Variants in CMTM4 observed in about 807,000 individuals in gnomAD.
CMTM4 encodes the protein CKLF-like MARVEL transmembrane domain-containing protein 4.
Under a neutral mutation model 19.0 loss-of-function variants are expected in CMTM4, and 8 were observed. That is an observed-to-expected ratio of 0.42 (90% CI 0.25 to 0.76). The LOEUF is 0.76. Ranked by LOEUF, CMTM4 falls within the 30% of genes least tolerant of loss-of-function variation. The pLI is 0.27. For missense variants in CMTM4, 228 were observed against 290.2 expected (o/e 0.79, Z 1.56); for synonymous variants, 106 against 121.1 (o/e 0.88, Z 0.82).
chr16:66,654,140 A>G (rs1175231654), intron 1 of CMTM4, among the ~76,000 whole-genome samples: 2 of 152,212 alleles, frequency 1.3e-5, no homozygotes, highest in African/African-American at 4.8e-5. Context: ...AACCATCACT[A>G]TTACACAATT....
chr16:66,640,304 C>CA (rs901923917), intron 1 of CMTM4, among the ~76,000 whole-genome samples: 13 of 151,648 alleles, frequency 8.6e-5, no homozygotes, highest in African/African-American at 2.9e-4. Context: ...GACTCTGTCT[C>CA]AAAAAAAATA....
At chr16:66,636,125 C>T (rs773693305) in intron 2 of CMTM4, among the ~76,000 whole-genome samples, 6 of 152,206 alleles carry the variant, frequency 3.9e-5, no homozygotes, top group Non-Finnish European at 8.8e-5. Context: ...CTCCAAATAT[C>T]AACATGACCA....
At chr16:66,649,559 G>C (rs2016273155) in intron 1 of CMTM4, among the ~76,000 whole-genome samples, 1 of 151,516 alleles carries the variant, frequency 6.6e-6, no homozygotes, top group Admixed American at 6.6e-5. Context: ...ATCTATTGAA[G>C]AGTATATCCC....
chr16:66,637,414 C>A (rs988036280), intron 1 of CMTM4, among the ~76,000 whole-genome samples: 1 of 152,014 alleles, frequency 6.6e-6, no homozygotes, highest in Admixed American at 6.6e-5. Flanking sequence ...TGTGGTGGCG[C>A]ATGCTTGTAA....
chr16:66,612,755 C>G, downstream of CMTM4: 3 of 963,678 alleles, frequency 3.1e-6, no homozygotes, highest in Non-Finnish European at 4.8e-6. The surrounding 1 kb of genome is among the most constrained non-coding windows in gnomAD (Gnocchi z 6.0). Context: ...GGGCTGCGGA[C>G]ACAGCAGGCC....
chr16:66,608,843 C>T, the CMTM4 span, among the ~76,000 whole-genome samples: 1 of 152,230 alleles, frequency 6.6e-6, no homozygotes, highest in Non-Finnish European at 1.5e-5. The surrounding 1 kb of genome is among the most constrained non-coding windows in gnomAD (Gnocchi z 5.1). Flanking sequence ...CTTCAGCCAT[C>T]GGCAACCCTG....
At position 66,618,923 on chromosome 16, in the gene CMTM4, G is replaced by A. The variant is rs780178217; in HGVS notation, c.*3135C>T. The A allele has an allele frequency of 3.8e-5, 37 of 985,394 alleles. No homozygotes were observed. The highest frequency in any genetic ancestry group is 2.8e-4 in the South Asian group (6 of 21,294). 61.0% of individuals were successfully genotyped at this position (985,394 alleles called of 1,614,324 possible). On this transcript the variant is annotated 3_prime_UTR_variant, in exon 4 of 4. Transcript: ENST00000394106. ...AGGGCCAAGCGCTCAGAGCTGGGCC[G>A]GACTTGCCCATGCTGGCTTCAGCTC...
chr16:66,624,274 T>C (rs2015693310), intron 2 of CMTM4, among the ~76,000 whole-genome samples: 1 of 152,202 alleles, frequency 6.6e-6, no homozygotes, highest in Admixed American at 6.5e-5. Context: ...GTGGCCTACA[T>C]ATTTACTGTC....
intron 1 of CMTM4, among the ~76,000 whole-genome samples, chr16:66,683,199 A>ATATATGTATATATATATATACG (rs1261399043): frequency 7.9e-6 from 1 of 126,290 alleles, no homozygotes; most frequent in Non-Finnish European, 1.6e-5. Flanking sequence ...ATATACATAT[A>ATATATGTATATATATATATACG]TATATATATA....
At chr16:66,608,178 CT>C in the CMTM4 span, 1 of 941,770 alleles carries the variant, frequency 1.1e-6, no homozygotes, top group East Asian at 2.4e-5. The surrounding 1 kb of genome is among the most constrained non-coding windows in gnomAD (Gnocchi z 5.1). Context: ...CACTTCCCAG[CT>C]GCGGGACTGT....
At chr16:66,623,939 A>G (rs2015687683) in intron 2 of CMTM4, among the ~76,000 whole-genome samples, 1 of 152,206 alleles carries the variant, frequency 6.6e-6, no homozygotes, top group Admixed American at 6.5e-5. Flanking sequence ...CAGAGAGCAC[A>G]CTTAGCCAGA....
At chr16:66,627,069 C>T (rs2015755689) in intron 2 of CMTM4, among the ~76,000 whole-genome samples, 1 of 152,160 alleles carries the variant, frequency 6.6e-6, no homozygotes, top group African/African-American at 2.4e-5. Flanking sequence ...CGCCTCTGCA[C>T]TGCAGCCTGG....
chr16:66,610,181 C>T (rs1369247813), downstream of CMTM4: 11 of 752,672 alleles, frequency 1.5e-5, no homozygotes, highest in East Asian at 1.1e-4. The surrounding 1 kb of genome is among the most constrained non-coding windows in gnomAD (Gnocchi z 4.6). Flanking sequence ...CAGTCCCATT[C>T]GCCTCGTGCA....
intron 1 of CMTM4, among the ~76,000 whole-genome samples, chr16:66,663,121 T>G (rs146351038): frequency 1.1e-4 from 16 of 152,328 alleles, no homozygotes; most frequent in Admixed American, 1.0e-3. Context: ...CCAGCCAGGT[T>G]GATTGCTTTC....
In CMTM4 at chr16:66,623,509, G is replaced by C; in HGVS notation, c.364-7C>G. 6.3e-7 allele frequency: 1 copy of C among 1,582,314 alleles called. No individual in the cohort carries two copies. Among genetic ancestry groups the C allele is most frequent in the Non-Finnish European group, 8.6e-7 (1 of 1,160,992 alleles). On this transcript the variant is annotated splice_polypyrimidine_tract_variant and splice_region_variant and intron_variant, in intron 2 of 3. Coordinates refer to ENST00000394106, the MANE Select transcript of CMTM4 (RefSeq NM_181521.3). ...GTCCAGTGTTGACCAAATCCTAAAG[G>C]GAGAGACAAAATAAACCAAGTGAAA...
intron 1 of CMTM4, among the ~76,000 whole-genome samples, chr16:66,673,194 A>G (rs1340715574): frequency 6.9e-5 from 9 of 130,760 alleles, no homozygotes; most frequent in African/African-American, 2.7e-4. Context: ...CACAGATGTG[A>G]GCCACCACAC....
chr16:66,692,059 T>A (rs1050792454), intron 1 of CMTM4, among the ~76,000 whole-genome samples: 1 of 152,034 alleles, frequency 6.6e-6, no homozygotes, highest in African/African-American at 2.4e-5. Context: ...TGACTATTTA[T>A]CGAAAGCTGG....
chr16:66,647,749 C>A (rs1364750541), intron 1 of CMTM4, among the ~76,000 whole-genome samples: 1 of 152,134 alleles, frequency 6.6e-6, no homozygotes, highest in East Asian at 1.9e-4. Flanking sequence ...GTTGCCCAGG[C>A]TGGACTCAAA....
chr16:66,620,547 T>G lies in CMTM4; in HGVS notation c.*1511A>C. 1 of 985,482 alleles carries G rather than the reference T, an allele frequency of 1.0e-6. No individual in the cohort carries two copies. Among genetic ancestry groups the G allele is most frequent in the East Asian group, 1.1e-4 (1 of 8,796 alleles). 61.0% of individuals were successfully genotyped at this position (985,482 alleles called of 1,614,324 possible). On this transcript the variant is annotated 3_prime_UTR_variant, in exon 4 of 4. Transcript: ENST00000394106. ...CTTTTCTGGGGAATGAGACGCCACATGTCCATAAGGTGACGCTTTCTTGCA... is the reference window on the plus strand; with the variant it reads ...CTTTTCTGGGGAATGAGACGCCACAGGTCCATAAGGTGACGCTTTCTTGCA...
Sources: allele counts gnomAD v4.1 joint callset (sites outside exome capture counted in the v4.1 genomes callset), GRCh38; gene constraint gnomAD v4.1.1; non-coding constraint Gnocchi (gnomAD v3.1); transcripts MANE v1.5; gene names NCBI Gene and HGNC (gene_info 2026-07-23, HGNC 2026-07-21).